The following SHMT2 variants were observed in gnomAD, a reference collection of about 807,000 sequenced individuals.
SHMT2 encodes serine hydroxymethyltransferase 2, also known as serine hydroxymethyltransferase, mitochondrial.
In SHMT2, 38 loss-of-function variants were observed where a neutral mutation model predicts 59.6. The observed-to-expected ratio is 0.64, with a 90% confidence interval of 0.49 to 0.84. SHMT2 has a LOEUF of 0.84. Ranked by LOEUF, SHMT2 falls within the 40% of genes least tolerant of loss-of-function variation. SHMT2 has a pLI of 0.00. For synonymous variants in SHMT2, 254 were observed against 258.1 expected (o/e 0.98, Z 0.15); for missense variants, 533 against 659.5 (o/e 0.81, Z 2.10).
intron 6 of SHMT2, 32 bp from the exon 7 acceptor site, chr12:57,232,672 C>G: frequency 1.2e-6 from 2 of 1,606,848 alleles, no homozygotes; most frequent in South Asian, 2.2e-5. Context: ...GGGCCCTCCC[C>G]AGGCTGAGGC....
In SHMT2 at chr12:57,231,593, C is replaced by T. The variant is rs752663968; in HGVS notation, c.311+33C>T. 9 of 1,613,038 alleles carry T rather than the reference C, an allele frequency of 5.6e-6. No individual in the cohort carries two copies. The South Asian group carries it at 8.8e-5, about 16-fold the overall frequency. ...CTGGAGGGCAGTGTCAGGGATGGTG[C>T]TCCCAGTGGGGGAACCCACCTGTAC... On this transcript the variant is annotated intron_variant, in intron 3 of 11. Transcript: ENST00000328923.
Position 57,233,291 on chromosome 12 carries a change from G to T in SHMT2, c.969G>T (p.Leu323=), listed in dbSNP as rs2229717. The change falls in exon 8 of 12, where the codon CTG becomes CTT. Residue 323 remains leucine, a synonymous_variant. Transcript: ENST00000328923. The part of the protein sequence containing the change: ...DRINFAVFPS[L]QGGPHNHAIA... ...TCAACTTTGCCGTGTTCCCATCCCTGCAGGGGGGCCCCCACAATCATGCCA... is the reference window on the plus strand; with the variant it reads ...TCAACTTTGCCGTGTTCCCATCCCTTCAGGGGGGCCCCCACAATCATGCCA... 0.042 allele frequency: 66,932 copies of T among 1,602,936 alleles called. 2,077 individuals are homozygous for T. The highest frequency in any genetic ancestry group is 0.18 in the East Asian group (8,271 of 44,744).
At chr12:57,230,514 CAT>C in intron 1 of SHMT2, 1 of 1,293,224 alleles carries the variant, frequency 7.7e-7, no homozygotes, top group Non-Finnish European at 9.9e-7. Flanking sequence ...GTTGGGGAGA[CAT>C]AGGCTTTTGG....
Position 57,234,226 on chromosome 12 carries a change from C to T in SHMT2, c.1388-8C>T, listed in dbSNP as rs951558717. ...CTGACCACTTGTTTCCTCACCCTCT[C>T]TCTCTAGCCAAGCTCCAGGATTTCA... On this transcript the variant is annotated splice_polypyrimidine_tract_variant and splice_region_variant and intron_variant, in intron 11 of 11. Coordinates refer to ENST00000328923, the MANE Select transcript of SHMT2 (RefSeq NM_005412.6). 6.2e-7 allele frequency: 1 copy of T among 1,611,922 alleles called. No homozygotes were observed. Among genetic ancestry groups the T allele is most frequent in the South Asian group, 1.1e-5 (1 of 90,858 alleles).
At chr12:57,232,100 CG>C in intron 4 of SHMT2, 110 bp from the exon 5 acceptor site, 1 of 1,154,490 alleles carries the variant, frequency 8.7e-7, no homozygotes, top group Non-Finnish European at 1.3e-6. Context: ...AGCAGTGAGG[CG>C]GTGTGTCCTA....
rs550014245 is a variant in SHMT2, at chr12:57,232,584, G to C, written c.717+9G>C. The C allele has an allele frequency of 5.6e-6, 9 of 1,614,102 alleles. No homozygotes were observed. The highest frequency in any genetic ancestry group is 2.7e-5 in the African/African-American group (2 of 75,066). On this transcript the variant is annotated intron_variant, in intron 6 of 11. Transcript: ENST00000328923. ...ACGCCCGCATGAGAGAGGTTGGTGG[G>C]GGGGGCTGGAGACTGGGCACCTCCC... is the stretch of plus-strand genomic sequence containing the variant.
At chr12:57,232,373 G>A (rs572293970) in intron 5 of SHMT2, 80 bp from the exon 6 acceptor site, 18 of 1,613,210 alleles carry the variant, frequency 1.1e-5, no homozygotes, top group Middle Eastern at 1.7e-4. Flanking sequence ...CTGGAGCGCC[G>A]GGCCGTCCTT....
In SHMT2 at chr12:57,234,053, G is replaced by A. The variant is rs1238186124; in HGVS notation, c.1330G>A (p.Val444Ile). The change falls in exon 11 of 12, where the codon GTT (valine) becomes ATT (isoleucine). Residue 444 changes from valine (V) to isoleucine (I), a missense_variant. Coordinates refer to ENST00000328923, the MANE Select transcript of SHMT2 (RefSeq NM_005412.6). ...GTTCCGTGAGGATGACTTCCGGAGA[G>A]TTGTGGACTTTATAGATGAAGGGGT... ...RQFREDDFRRVVDFIDEGVNI... is the reference protein window; with the variant it reads ...RQFREDDFRRIVDFIDEGVNI... The A allele has an allele frequency of 1.2e-6, 2 of 1,614,104 alleles. No homozygotes were observed. Among genetic ancestry groups the A allele is most frequent in the African/African-American group, 1.3e-5 (1 of 74,920 alleles).
intron 1 of SHMT2, 49 bp downstream of exon 1, chr12:57,229,860 TCTC>T (rs2037240900): frequency 1.9e-6 from 3 of 1,610,984 alleles, no homozygotes; most frequent in Non-Finnish European, 2.5e-6. Flanking sequence ...AGGAAGCTCT[TCTC>T]CTACCTTAGT....
At position 57,232,706 on chromosome 12, in the gene SHMT2, G is replaced by A. The variant is rs756952031; in HGVS notation, c.720G>A (p.Val240=). The A allele has an allele frequency of 7.5e-6, 12 of 1,606,988 alleles. No homozygotes were observed. In the East Asian group the frequency reaches 1.8e-4, roughly 24 times the overall value. Residue 240 remains valine, a splice_region_variant and synonymous_variant, in exon 7 of 12, where the codon GTG becomes GTA. Transcript: ENST00000328923. Reference sequence around the variant, plus strand: ...GCCTTGCCTCTGTACCTGCCCAGGTGTGTGATGAAGTCAAAGCACACCTGC... The same window carrying A: ...GCCTTGCCTCTGTACCTGCCCAGGTATGTGATGAAGTCAAAGCACACCTGC... ...RLIDYARMRE[V]CDEVKAHLLA...
chr12:57,230,343 T>G, intron 1 of SHMT2: 2 of 1,133,124 alleles, frequency 1.8e-6, no homozygotes, highest in Non-Finnish European at 1.1e-6. Flanking sequence ...CTGCTAAAGG[T>G]CTCCCCTCCC....
intron 2 of SHMT2, 135 bp downstream of exon 2, chr12:57,231,135 C>T (rs2037299567): frequency 2.3e-6 from 2 of 880,930 alleles, no homozygotes; most frequent in Admixed American, 4.7e-5. Flanking sequence ...CCTTTCTTAT[C>T]TCCCTCAAGC....
rs763718059 is a variant in SHMT2 at position 57,232,802 on chromosome 12, C to T, written c.816C>T (p.Asp272=). 4.3e-6 allele frequency: 7 copies of T among 1,613,612 alleles called. No homozygotes were observed. In the South Asian group the frequency reaches 7.7e-5, roughly 18 times the overall value. The change falls in exon 7 of 12, where the codon GAC becomes GAT. Residue 272 remains aspartate (D), a synonymous_variant. Coordinates refer to ENST00000328923, the MANE Select transcript of SHMT2 (RefSeq NM_005412.6). ...TTCCCTCGCCTTTCAAGCACGCGGA[C>T]ATCGTCACCACCACTACTCACAAGA... ...KVIPSPFKHA[D]IVTTTTHKTL...
rs1213741396 is a variant in SHMT2 at position 57,231,994 on chromosome 12, G to A, written c.512+81G>A. 6 of 1,440,528 alleles carry A rather than the reference G, an allele frequency of 4.2e-6. No individual in the cohort carries two copies. The African/African-American group carries it at 4.2e-5, about 10-fold the overall frequency. The allele number at this position is 1,440,528 out of a possible 1,614,324, so 89.2% of individuals were successfully genotyped here. ...AGTTATTTATTGAATACCTACTGTG[G>A]ACCATACAGATGGAACAGGCCTTGC... is the stretch of plus-strand genomic sequence containing the variant. On this transcript the variant is annotated intron_variant, in intron 4 of 11. Coordinates refer to ENST00000328923, the MANE Select transcript of SHMT2 (RefSeq NM_005412.6).
Position 57,231,696 on chromosome 12 carries a change from C to T in SHMT2, c.312-17C>T, listed in dbSNP as rs2037325383. ...GAGTCCTTTCTCTGTGCCCTCATTACCCCTCTCCCACGGCAGATACTATGG... is the reference window on the plus strand; with the variant it reads ...GAGTCCTTTCTCTGTGCCCTCATTATCCCTCTCCCACGGCAGATACTATGG... On this transcript the variant is annotated splice_polypyrimidine_tract_variant and intron_variant, in intron 3 of 11. Transcript: ENST00000328923. The T allele has an allele frequency of 6.2e-7, 1 of 1,613,814 alleles. No homozygotes were observed. Among genetic ancestry groups the T allele is most frequent in the Non-Finnish European group, 8.5e-7 (1 of 1,179,888 alleles).
At position 57,234,355 on chromosome 12, in the gene SHMT2, G is replaced by A; in HGVS notation, c.1509G>A (p.Glu503=). The A allele has an allele frequency of 6.3e-7, 1 of 1,588,204 alleles. No individual in the cohort carries two copies. Among genetic ancestry groups the A allele is most frequent in the East Asian group, 2.2e-5 (1 of 44,544 alleles). ...CCTTCCCCATGCCTGGTTTTGATGAGCATTGAAGGCACCTGGGAAATGAGG... is the reference window on the plus strand; with the variant it reads ...CCTTCCCCATGCCTGGTTTTGATGAACATTGAAGGCACCTGGGAAATGAGG... ...ARAFPMPGFD[E]H Residue 503 remains glutamate, a synonymous_variant, in exon 12 of 12, where the codon GAG becomes GAA. Transcript: ENST00000328923.
rs1208525071 is a variant in SHMT2, at chr12:57,230,907, G to A, written c.138G>A (p.Gln46=). 6.2e-7 allele frequency: 1 copy of A among 1,614,118 alleles called. No individual in the cohort carries two copies. ...AAGCAAACAGGGGCTGGACAGGCCA[G>A]GAGAGCCTGTCGGACAGTGATCCTG... ...TGEANRGWTG[Q]ESLSDSDPEM... Residue 46 remains glutamine (Q), a synonymous_variant, in exon 2 of 12, where the codon CAG becomes CAA. Coordinates refer to ENST00000328923, the MANE Select transcript of SHMT2 (RefSeq NM_005412.6).
rs553143014 is a variant in SHMT2 at position 57,234,751 on chromosome 12, G to A, written c.*390G>A. On this transcript the variant is annotated 3_prime_UTR_variant, in exon 12 of 12. Transcript: ENST00000328923. ...CCCTGAGTTTCCATTACTGTGGGTG[G>A]GGTTCCCCTGGGCCAAACAGTGATT... 19 of 166,472 alleles carry A rather than the reference G, an allele frequency of 1.1e-4. No individual in the cohort carries two copies. In the South Asian group the frequency reaches 3.0e-3, roughly 26 times the overall value. 10.3% of individuals were successfully genotyped at this position (166,472 alleles called of 1,614,324 possible).
At chr12:57,232,094 G>T (rs1255421692) in intron 4 of SHMT2, 117 bp from the exon 5 acceptor site, 1 of 1,139,830 alleles carries the variant, frequency 8.8e-7, no homozygotes, top group Non-Finnish European at 1.3e-6. Context: ...GGACAGAGCA[G>T]TGAGGCGGTG....
Sources: allele counts gnomAD v4.1 joint callset, GRCh38; gene constraint gnomAD v4.1.1; transcripts MANE v1.5; gene names NCBI Gene and HGNC (gene_info 2026-07-23, HGNC 2026-07-21).